Variants in STAU1 observed in about 807,000 individuals in gnomAD.
STAU1 encodes double-stranded RNA-binding protein Staufen homolog 1.
STAU1 carries 13 observed loss-of-function variants against 62.9 expected under a neutral mutation model. That is an observed-to-expected ratio of 0.21 (90% CI 0.13 to 0.33). The LOEUF is 0.33. STAU1 is among the 10% of genes least tolerant of loss of function. STAU1 has a pLI of 1.00. For synonymous variants in STAU1, 269 were observed against 265.1 expected (o/e 1.01, Z -0.14); for missense variants, 571 against 712.1 (o/e 0.80, Z 2.25).
the STAU1 span, among the ~76,000 whole-genome samples, chr20:49,204,592 TTATA>T: frequency 0.1 from 4,596 of 45,502 alleles, 338 homozygotes; most frequent in African/African-American, 0.15. Context: ...GGATTTTACA[TTATA>T]TATATATATA....
At chr20:49,187,604 C>T (rs1360582671) in intron 1 of STAU1, among the ~76,000 whole-genome samples, 1 of 152,166 alleles carries the variant, frequency 6.6e-6, no homozygotes, top group Non-Finnish European at 1.5e-5. Context: ...ACGGTATTAG[C>T]AGCCCCTTTT....
chr20:49,117,373 C>T lies in STAU1; in HGVS notation c.1510-125G>A. On this transcript the variant is annotated intron_variant, in intron 11 of 13. Transcript: ENST00000371856. This position sits in a 1 kb window ranked among gnomAD's most constrained non-coding sequence, Gnocchi z 4.6. Reference sequence around the variant, plus strand: ...TTTTTCCAACTCAGCCCCACTGTGGCCATACTAACACCTGCCCTGTCAGCC... The same window carrying T: ...TTTTTCCAACTCAGCCCCACTGTGGTCATACTAACACCTGCCCTGTCAGCC... 8.2e-7 allele frequency: 1 copy of T among 1,217,870 alleles called. No homozygotes were observed. Among genetic ancestry groups the T allele is most frequent in the Non-Finnish European group, 1.2e-6 (1 of 859,716 alleles). The allele number at this position is 1,217,870 out of a possible 1,614,324, so 75.4% of individuals were successfully genotyped here. A position where few individuals can be genotyped will look rare whatever the true frequency, so the allele number is the denominator to read the frequency against.
chr20:49,217,722 C>G, the STAU1 span, among the ~76,000 whole-genome samples: 1 of 146,678 alleles, frequency 6.8e-6, no homozygotes, highest in South Asian at 2.1e-4. Flanking sequence ...TGGCTCATGC[C>G]TGTAATCCCA....
chr20:49,177,401 G>A (rs1055042918), intron 1 of STAU1, among the ~76,000 whole-genome samples: 3 of 151,756 alleles, frequency 2.0e-5, no homozygotes, highest in Non-Finnish European at 4.4e-5. Flanking sequence ...TTTAAGGGCC[G>A]GGCATGTGGA....
At position 49,114,084 on chromosome 20, in the gene STAU1, C is replaced by A. The variant is rs551647987; in HGVS notation, c.*794G>T. On this transcript the variant is annotated 3_prime_UTR_variant, in exon 14 of 14. Transcript: ENST00000371856. ...TGTTTCAGCTGAACCAGAGGGCACA[C>A]AATTTGCATCACTGAAACTGTCCTG... The A allele has an allele frequency of 1.3e-5, 2 of 152,578 alleles. No individual in the cohort carries two copies. Among genetic ancestry groups the A allele is most frequent in the African/African-American group, 4.8e-5 (2 of 41,430 alleles). The allele number at this position is 152,578 out of a possible 1,614,324, so 9.5% of individuals were successfully genotyped here. A position where few individuals can be genotyped will look rare whatever the true frequency, so the allele number is the denominator to read the frequency against.
At chr20:49,129,918 G>A (rs2092716248) in intron 6 of STAU1, among the ~76,000 whole-genome samples, 1 of 152,120 alleles carries the variant, frequency 6.6e-6, no homozygotes, top group Non-Finnish European at 1.5e-5. Flanking sequence ...ATGAGCCCAT[G>A]AGCCCAGCCA....
intron 2 of STAU1, among the ~76,000 whole-genome samples, chr20:49,167,173 T>C (rs1188942215): frequency 6.6e-6 from 1 of 152,170 alleles, no homozygotes; most frequent in African/African-American, 2.4e-5. Flanking sequence ...TTCATTTTCA[T>C]GGCCATCCTT....
intron 6 of STAU1, among the ~76,000 whole-genome samples, chr20:49,128,562 G>A (rs184921597): frequency 2.6e-5 from 4 of 152,090 alleles, no homozygotes; most frequent in African/African-American, 7.2e-5. Flanking sequence ...TTCAAAGTGA[G>A]GCTAAAACAT....
chr20:49,167,321 T>C (rs1434345231), intron 2 of STAU1, among the ~76,000 whole-genome samples: 5 of 152,208 alleles, frequency 3.3e-5, no homozygotes, highest in Non-Finnish European at 5.9e-5. Context: ...AGTTCTATTA[T>C]AAAGAAACAG....
chr20:49,115,205 T>C (rs539505776), intron 13 of STAU1, among the ~76,000 whole-genome samples: 54 of 150,568 alleles, frequency 3.6e-4, no homozygotes, highest in South Asian at 3.2e-3. Flanking sequence ...GTGGGGAGAA[T>C]AGGAGGGATG....
At chr20:49,208,854 C>T in the STAU1 span, among the ~76,000 whole-genome samples, 1 of 150,534 alleles carries the variant, frequency 6.6e-6, no homozygotes, top group Non-Finnish European at 1.5e-5. Flanking sequence ...GATCTCCTGA[C>T]CTCCTGATCC....
chr20:49,185,763 G>A (rs1332007014), intron 1 of STAU1, among the ~76,000 whole-genome samples: 1 of 152,042 alleles, frequency 6.6e-6, no homozygotes, highest in Non-Finnish European at 1.5e-5. Flanking sequence ...AGAATAAAAG[G>A]TTTTTAAAAA....
chr20:49,178,159 G>A (rs371551204), intron 1 of STAU1, among the ~76,000 whole-genome samples: 1 of 152,142 alleles, frequency 6.6e-6, no homozygotes, highest in Non-Finnish European at 1.5e-5. Context: ...CCTAGGCAAT[G>A]AAGCAAGACT....
the STAU1 span, among the ~76,000 whole-genome samples, chr20:49,218,303 C>A: frequency 2.7e-5 from 4 of 150,488 alleles, no homozygotes; most frequent in Admixed American, 6.7e-5. Flanking sequence ...CGGCTCACTG[C>A]AAGCTCTGCC....
chr20:49,175,531 G>A (rs2093648673), intron 1 of STAU1, among the ~76,000 whole-genome samples: 1 of 152,110 alleles, frequency 6.6e-6, no homozygotes, highest in South Asian at 2.1e-4. Context: ...CCAGGATGGA[G>A]TGCAGTGGCG....
At chr20:49,158,432 C>T (rs747312928) in intron 3 of STAU1, 2 of 1,304,784 alleles carry the variant, frequency 1.5e-6, no homozygotes, top group South Asian at 1.2e-5. Context: ...GGTGAGGCAA[C>T]TTGCCTTCAT....
intron 6 of STAU1, among the ~76,000 whole-genome samples, chr20:49,128,654 C>T (rs2092684266): frequency 6.6e-6 from 1 of 151,768 alleles, no homozygotes; most frequent in Non-Finnish European, 1.5e-5. Flanking sequence ...ACTGTCTCAG[C>T]CAGGCATGGT....
At chr20:49,126,922 T>G (rs1490781196) in intron 6 of STAU1, among the ~76,000 whole-genome samples, 1 of 151,918 alleles carries the variant, frequency 6.6e-6, no homozygotes, top group Non-Finnish European at 1.5e-5. Flanking sequence ...CAACAAAAAT[T>G]AGACCTAGGA....
In STAU1 at chr20:49,114,831, T is replaced by G. The variant is rs746036748; in HGVS notation, c.*47A>C. The G allele has an allele frequency of 1.1e-5, 17 of 1,599,748 alleles. No individual in the cohort carries two copies. The South Asian group carries it at 1.9e-4, about 18-fold the overall frequency. ...AATTTTCAAAGCAGTTTCAGTATTT[T>G]CAGTATATATGTTGGGATTTTATAA... On this transcript the variant is annotated 3_prime_UTR_variant, in exon 14 of 14. Transcript: ENST00000371856.
Sources: allele counts gnomAD v4.1 joint callset (sites outside exome capture counted in the v4.1 genomes callset), GRCh38; gene constraint gnomAD v4.1.1; non-coding constraint Gnocchi (gnomAD v3.1); transcripts MANE v1.5; gene names NCBI Gene and HGNC (gene_info 2026-07-23, HGNC 2026-07-21).